The following NAV3 variants were observed in gnomAD, a reference collection of about 807,000 sequenced individuals.
The protein encoded by NAV3 is neuron navigator 3, also known as pore membrane and/or filament interacting like protein 1.
In NAV3, 87 loss-of-function variants were observed where a neutral mutation model predicts 244.7. That is an observed-to-expected ratio of 0.36 (90% confidence interval 0.30 to 0.42). The LOEUF is 0.42. Ranked by LOEUF, NAV3 falls within the 20% of genes least tolerant of loss-of-function variation. The pLI is 1.00. For synonymous variants in NAV3, 1,126 were observed against 1,042.2 expected, an observed-to-expected ratio of 1.08 and a Z score of -1.55; for missense variants, 2,663 against 2,893.3, an observed-to-expected ratio of 0.92 and a Z score of 1.83.
At chr12:78,176,977 G>T (rs865950715) in intron 26 of NAV3, among the ~76,000 whole-genome samples, 164 bp from the exon 27 acceptor site, 1 of 151,904 alleles carries the variant, frequency 6.6e-6, no homozygotes, top group Non-Finnish European at 1.5e-5. Flanking sequence ...CACAAAACAC[G>T]GTATCATTTT....
intron 2 of NAV3, among the ~76,000 whole-genome samples, chr12:77,593,921 G>A (rs547467683): frequency 1.3e-5 from 2 of 152,060 alleles, no homozygotes; most frequent in Admixed American, 6.5e-5. Context: ...CTACCTTTGC[G>A]ATCCTAAACA....
intron 2 of NAV3, among the ~76,000 whole-genome samples, chr12:77,800,822 T>C (rs1466753409): frequency 1.3e-5 from 2 of 152,160 alleles, no homozygotes; most frequent in African/African-American, 4.8e-5. Flanking sequence ...TTTCTTTCTA[T>C]GCTTTTTTTT....
rs1477112548 is a variant in NAV3 at position 77,713,435 on chromosome 12, T to A, written c.72+141169T>A. Among the ~76,000 whole-genome samples the A allele has an allele frequency of 2.0e-5, 3 of 152,208 alleles. No homozygotes were observed. The East Asian group carries it at 5.8e-4, about 29-fold the overall frequency. On this transcript the variant is annotated intron_variant, in intron 2 of 8. Transcript: ENST00000550042. ...TCAGTTTTATATACTGTTTGTGACT[T>A]ACATAATGAATACTTTTCTTATAAT...
chr12:78,147,553 A>G (rs1009807791), intron 21 of NAV3, among the ~76,000 whole-genome samples: 35 of 151,990 alleles, frequency 2.3e-4, no homozygotes, highest in African/African-American at 8.4e-4. Context: ...AATCATTCAT[A>G]GTCATTATCT....
chr12:78,112,977 A>G (rs1025859139), intron 12 of NAV3, among the ~76,000 whole-genome samples: 1 of 152,218 alleles, frequency 6.6e-6, no homozygotes, highest in Non-Finnish European at 1.5e-5. Flanking sequence ...AACGGGAGGA[A>G]TTGACCAAAA....
At chr12:77,888,608 G>A (rs1460730381) in intron 1 of NAV3, among the ~76,000 whole-genome samples, 2 of 152,152 alleles carry the variant, frequency 1.3e-5, no homozygotes, top group Non-Finnish European at 2.9e-5. Flanking sequence ...GCCTCATTAA[G>A]TTTTGCCCTC....
chr12:77,825,691 C>T (rs1872954487), intron 2 of NAV3, among the ~76,000 whole-genome samples: 1 of 152,076 alleles, frequency 6.6e-6, no homozygotes, highest in East Asian at 1.9e-4. Flanking sequence ...TTAGGACCCC[C>T]ACTCACAAGA....
rs546347955 is a variant in NAV3 at position 77,846,896 on chromosome 12, A to G, written c.243+15192A>G. Among the ~76,000 whole-genome samples the G allele has an allele frequency of 2.0e-5, 3 of 152,292 alleles. No homozygotes were observed. The South Asian group carries it at 6.2e-4, about 32-fold the overall frequency. The stretch of plus-strand genomic sequence containing the variant: ...TTAACCAGTGTTGGCAATGAAAATA[A>G]TACACTTTCCTTTTATGAAAAAAGC... On this transcript the variant is annotated intron_variant, in intron 1 of 39. Transcript: ENST00000397909.
intron 9 of NAV3, among the ~76,000 whole-genome samples, chr12:78,043,079 C>T (rs1257003033): frequency 6.6e-6 from 1 of 152,132 alleles, no homozygotes; most frequent in Non-Finnish European, 1.5e-5. Flanking sequence ...CTATCCCTCC[C>T]CTTGATCCCC....
At chr12:77,819,964 G>A (rs1872668520) in intron 2 of NAV3, among the ~76,000 whole-genome samples, 1 of 152,100 alleles carries the variant, frequency 6.6e-6, no homozygotes, top group Admixed American at 6.6e-5. Context: ...AGGAACTCTT[G>A]AGACTATGAT....
chr12:77,824,885 C>A (rs897820789), intron 2 of NAV3, among the ~76,000 whole-genome samples: 4 of 138,130 alleles, frequency 2.9e-5, no homozygotes, highest in African/African-American at 1.1e-4. Context: ...GAACAAGACT[C>A]CGTCTCAAAA....
At position 78,163,441 on chromosome 12, in the gene NAV3, A is replaced by G. The variant is rs940347101; in HGVS notation, c.4869+4155A>G. 1.1e-4 allele frequency among the ~76,000 whole-genome samples: 16 copies of G among 152,168 alleles called. No individual in the cohort carries two copies. The East Asian group carries it at 2.1e-3, about 20-fold the overall frequency. On this transcript the variant is annotated intron_variant, in intron 23 of 39. Transcript: ENST00000397909. ...ATGCTATTAGACTCAGTACAATGTC[A>G]TGTGCATTCTCAAAGGAAACATCTG...
intron 2 of NAV3, among the ~76,000 whole-genome samples, chr12:77,642,868 T>C (rs1348067538): frequency 6.6e-6 from 1 of 152,134 alleles, no homozygotes; most frequent in African/African-American, 2.4e-5. Context: ...TTATTATTAA[T>C]ATGAAAGCTA....
At chr12:77,693,842 T>C (rs1184906204) in intron 2 of NAV3, among the ~76,000 whole-genome samples, 1 of 152,134 alleles carries the variant, frequency 6.6e-6, no homozygotes, top group Admixed American at 6.6e-5. Flanking sequence ...TTATTTTCTT[T>C]TTTTTGTGTG....
chr12:78,124,008 C>T (rs936182654), intron 16 of NAV3, among the ~76,000 whole-genome samples: 1 of 152,168 alleles, frequency 6.6e-6, no homozygotes, highest in Non-Finnish European at 1.5e-5. Context: ...ATTGTATGCT[C>T]ATATGTAAGG....
intron 2 of NAV3, among the ~76,000 whole-genome samples, chr12:77,703,247 T>G (rs1875640969): frequency 1.3e-5 from 2 of 152,126 alleles, no homozygotes; most frequent in Admixed American, 1.3e-4. Context: ...AAGTTTCTCT[T>G]ATTCCACAAT....
chr12:78,055,467 C>T (rs542575549), intron 11 of NAV3, among the ~76,000 whole-genome samples: 26 of 152,156 alleles, frequency 1.7e-4, no homozygotes, highest in African/African-American at 3.4e-4. Flanking sequence ...ACATTGATTT[C>T]GAAAACAGAG....
chr12:77,858,984 G>A (rs1878802538), intron 1 of NAV3, among the ~76,000 whole-genome samples: 1 of 152,038 alleles, frequency 6.6e-6, no homozygotes, highest in Admixed American at 6.6e-5. Flanking sequence ...TGTGTTGACT[G>A]ACTGGCATTG....
chr12:78,184,451 CTT>C (rs1398685670), intron 30 of NAV3, among the ~76,000 whole-genome samples: 1 of 151,808 alleles, frequency 6.6e-6, no homozygotes, highest in Admixed American at 6.6e-5. Flanking sequence ...AAGATGTTAA[CTT>C]GGGAAAATAA....
Sources: allele counts gnomAD v4.1 joint callset (sites outside exome capture counted in the v4.1 genomes callset), GRCh38; gene constraint gnomAD v4.1.1; transcripts MANE v1.5; gene names NCBI Gene and HGNC (gene_info 2026-07-23, HGNC 2026-07-21).